The following SPART variants were observed in gnomAD, a reference collection of about 807,000 sequenced individuals.
The protein encoded by SPART is spastic paraplegia 20 (Troyer syndrome).
In SPART, 35 loss-of-function variants were observed where a neutral mutation model predicts 58.7. That is an observed-to-expected ratio of 0.60 (90% confidence interval 0.46 to 0.79). The LOEUF (loss-of-function observed/expected upper bound fraction) is 0.79, where lower values mean the gene tolerates loss of function less well. Among genes scored for constraint, SPART ranks in the 30% least tolerant of loss-of-function variants. The pLI is 0.00. For synonymous variants in SPART, 284 were observed against 280.7 expected (o/e 1.01, Z -0.12); for missense variants, 730 against 786.1 (o/e 0.93, Z 0.85).
rs1444224417 is a variant in SPART at position 36,335,076 on chromosome 13, C to T, written c.755G>A (p.Arg252Lys). Residue 252 changes from arginine (R) to lysine (K), a missense_variant, in exon 2 of 9, where the codon AGG (arginine) becomes AAG (lysine). Physicochemically the swap from Arg to Lys is conservative, Grantham distance 26. Coordinates refer to ENST00000438666, the MANE Select transcript of SPART (RefSeq NM_015087.5). Reference protein sequence around the residue: ...PSYPGYLRIVRFLDNSLDTVL... With the variant: ...PSYPGYLRIVKFLDNSLDTVL... ...CGTATCGAGAGAATTATCCAAAAAC[C>T]TCACAATTCGAAGGTACCCAGGATA... 6.2e-7 allele frequency: 1 copy of T among 1,614,090 alleles called. No individual in the cohort carries two copies. Among genetic ancestry groups the T allele is most frequent in the South Asian group, 1.1e-5 (1 of 91,078 alleles).
intron 2 of SPART, among the ~76,000 whole-genome samples, chr13:36,332,957 GTT>G (rs1294807761): frequency 6.6e-6 from 1 of 151,594 alleles, no homozygotes; most frequent in East Asian, 1.9e-4. Flanking sequence ...GTGGTATAGA[GTT>G]GACAAAAAAA....
chr13:36,316,808 AG>A (rs1881765359), intron 5 of SPART, among the ~76,000 whole-genome samples: 1 of 152,124 alleles, frequency 6.6e-6, no homozygotes, highest in Admixed American at 6.5e-5. Context: ...GACCTCCCTT[AG>A]GAGATCAATC....
At position 36,303,368 on chromosome 13, in the gene SPART, G is replaced by A. The variant is rs1594109068; in HGVS notation, c.*997C>T. 6.6e-6 allele frequency: 1 copy of A among 152,074 alleles called. No homozygotes were observed. The highest frequency in any genetic ancestry group is 1.9e-4 in the East Asian group (1 of 5,192). The allele number at this position is 152,074 out of a possible 1,614,324, so 9.4% of individuals were successfully genotyped here. On this transcript the variant is annotated 3_prime_UTR_variant, in exon 9 of 9. Transcript: ENST00000438666. ...TAGGGCTGTGAATAGTCTGCCTTCT[G>A]CCAAAGTGGAAACCATAATGCCTAT...
chr13:36,322,763 T>C (rs945098303), intron 5 of SPART, among the ~76,000 whole-genome samples: 1 of 152,184 alleles, frequency 6.6e-6, no homozygotes, highest in Non-Finnish European at 1.5e-5. Context: ...CTAGAAATGA[T>C]TTGTCTTAGC....
chr13:36,345,161 AG>A (rs1201752238), intron 1 of SPART, among the ~76,000 whole-genome samples: 3 of 152,184 alleles, frequency 2.0e-5, no homozygotes, highest in African/African-American at 7.2e-5. Context: ...AAAAAAGCGG[AG>A]GGGGCTTTGT....
At chr13:36,318,086 A>T (rs1396156890) in intron 5 of SPART, among the ~76,000 whole-genome samples, 1 of 151,768 alleles carries the variant, frequency 6.6e-6, no homozygotes, top group Non-Finnish European at 1.5e-5. Flanking sequence ...TTCCTTTTCT[A>T]CAGACCCATC....
At chr13:36,310,651 C>T (rs1432375655) in intron 8 of SPART, among the ~76,000 whole-genome samples, 1 of 152,100 alleles carries the variant, frequency 6.6e-6, no homozygotes, top group East Asian at 1.9e-4. Context: ...CCCAACACAC[C>T]CCCACAGCTG....
At chr13:36,356,350 G>T (rs1885621953) in intron 1 of SPART, among the ~76,000 whole-genome samples, 1 of 152,212 alleles carries the variant, frequency 6.6e-6, no homozygotes, top group Non-Finnish European at 1.5e-5. Context: ...CTGTATGTCA[G>T]TGTACTTTAT....
chr13:36,310,458 C>G (rs778221537), intron 8 of SPART, among the ~76,000 whole-genome samples: 1 of 152,060 alleles, frequency 6.6e-6, no homozygotes, highest in Non-Finnish European at 1.5e-5. Context: ...TTTACTCTCA[C>G]CTTCAATACC....
rs182144878 is a variant in SPART at position 36,365,031 on chromosome 13, C to T, written c.-3+5058G>A. On this transcript the variant is annotated intron_variant, in intron 1 of 8. Coordinates refer to the SPART transcript ENST00000355182. ...GTTTTGCATGACTCCTTGGCTGTCT[C>T]CTCTGACACTGGAGGTTGCATGATG... Among the ~76,000 whole-genome samples, 48 of 152,276 alleles carry T rather than the reference C, an allele frequency of 3.2e-4. No homozygotes were observed. In the East Asian group the frequency reaches 8.9e-3, roughly 28 times the overall value.
chr13:36,320,694 C>A (rs201664532), intron 5 of SPART, among the ~76,000 whole-genome samples: 43 of 149,602 alleles, frequency 2.9e-4, no homozygotes, highest in Non-Finnish European at 4.5e-4. Context: ...TGCCCCGAGT[C>A]AGATAACTAA....
At chr13:36,317,586 G>A (rs199763646) in intron 5 of SPART, among the ~76,000 whole-genome samples, 16 of 138,386 alleles carry the variant, frequency 1.2e-4, no homozygotes, top group South Asian at 1.2e-3. Context: ...TTATTTCCAC[G>A]CCCTGACCTC....
intron 1 of SPART, among the ~76,000 whole-genome samples, chr13:36,339,572 A>C (rs1375985332): frequency 2.9e-5 from 4 of 136,092 alleles, no homozygotes; most frequent in African/African-American, 1.1e-4. Context: ...CAGAGGTTGC[A>C]CTGAGCCGAG....
chr13:36,312,602 T>C (rs1397021889), intron 6 of SPART, 125 bp from the exon 7 acceptor site: 4 of 1,099,946 alleles, frequency 3.6e-6, no homozygotes, highest in Non-Finnish European at 5.3e-6. Context: ...TACAATTTCT[T>C]CTTAAGGATA....
At chr13:36,336,573 G>C (rs897479940) in intron 1 of SPART, among the ~76,000 whole-genome samples, 1 of 152,126 alleles carries the variant, frequency 6.6e-6, no homozygotes, top group African/African-American at 2.4e-5. Flanking sequence ...AAGACAAGTG[G>C]AACTCTTCTA....
intron 1 of SPART, among the ~76,000 whole-genome samples, chr13:36,355,608 C>T (rs1885591397): frequency 1.3e-5 from 2 of 152,196 alleles, no homozygotes; most frequent in African/African-American, 2.4e-5. Context: ...ATAAACATCT[C>T]ATAAAACTGT....
At chr13:36,314,203 T>TAACTTTAA in intron 6 of SPART, 24 bp downstream of exon 6, 1 of 1,609,118 alleles carries the variant, frequency 6.2e-7, no homozygotes, top group Admixed American at 1.7e-5. Flanking sequence ...CTTTAAAAAG[T>TAACTTTAA]AAAGTTATCT....
intron 4 of SPART, among the ~76,000 whole-genome samples, chr13:36,327,794 C>T (rs938851208): frequency 2.6e-5 from 4 of 152,062 alleles, no homozygotes; most frequent in African/African-American, 9.7e-5. Flanking sequence ...TCGAGATTAG[C>T]CTGGCCAACA....
At chr13:36,342,418 A>T (rs2137626802) in intron 1 of SPART, among the ~76,000 whole-genome samples, 1 of 152,330 alleles carries the variant, frequency 6.6e-6, no homozygotes, top group South Asian at 2.1e-4. Context: ...AAAGCCTAAA[A>T]TATTTACTAT....
Sources: allele counts gnomAD v4.1 joint callset (sites outside exome capture counted in the v4.1 genomes callset), GRCh38; gene constraint gnomAD v4.1.1; transcripts MANE v1.5; gene names NCBI Gene and HGNC (gene_info 2026-07-23, HGNC 2026-07-21).